HPSE2: variants seen among roughly 807,000 people sequenced by gnomAD.
HPSE2 encodes the protein heparanase 2 (inactive).
In HPSE2, 38 loss-of-function variants were observed where a neutral mutation model predicts 60.5. The observed-to-expected ratio is 0.63, with a 90% CI of 0.48 to 0.82. HPSE2 has a LOEUF of 0.82. Ranked by LOEUF, HPSE2 falls within the 40% of genes least tolerant of loss-of-function variation. HPSE2 has a pLI of 0.00. For synonymous variants in HPSE2, 295 were observed against 293.2 expected (o/e 1.01, Z -0.06); for missense variants, 713 against 740.4 (o/e 0.96, Z 0.43).
intron 6 of HPSE2, among the ~76,000 whole-genome samples, chr10:98,657,811 A>G (rs1947115083): frequency 6.6e-6 from 1 of 152,200 alleles, no homozygotes; most frequent in African/African-American, 2.4e-5. Flanking sequence ...TCCCTTTCTG[A>G]TAATTCTTAG....
rs375468447 is a variant in HPSE2 at position 98,649,435 on chromosome 10, T to C, written c.1005-7495A>G. On this transcript the variant is annotated intron_variant, in intron 6 of 11. Coordinates refer to ENST00000370552, the MANE Select transcript of HPSE2 (RefSeq NM_021828.5). ...AGTAGGAAACCAGAGATCATATAGG[T>C]ACTAAGTAACAGACACCAAAACCTT... is the stretch of plus-strand genomic sequence containing the variant. Among the ~76,000 whole-genome samples the C allele has an allele frequency of 5.3e-5, 8 of 152,270 alleles. No homozygotes were observed. In the East Asian group the frequency reaches 1.5e-3, roughly 29 times the overall value.
chr10:98,831,634 G>T (rs548999800), intron 3 of HPSE2, among the ~76,000 whole-genome samples: 316 of 152,286 alleles, frequency 2.1e-3, no homozygotes, highest in Non-Finnish European at 3.7e-3. Context: ...TTGCTCAAGG[G>T]CAGTGGTTCT....
At chr10:98,913,520 T>C (rs370868944) in intron 3 of HPSE2, among the ~76,000 whole-genome samples, 1 of 152,174 alleles carries the variant, frequency 6.6e-6, no homozygotes, top group Non-Finnish European at 1.5e-5. Flanking sequence ...GGCCCAATAA[T>C]AGTTGAAAAA....
At chr10:98,984,185 G>C (rs1217126971) in intron 3 of HPSE2, among the ~76,000 whole-genome samples, 1 of 152,220 alleles carries the variant, frequency 6.6e-6, no homozygotes, top group Admixed American at 6.5e-5. Context: ...AGAACGGGCA[G>C]ACTGCCTCCT....
intron 9 of HPSE2, among the ~76,000 whole-genome samples, chr10:98,544,934 A>T (rs1943614270): frequency 1.3e-5 from 2 of 152,096 alleles, no homozygotes; most frequent in Non-Finnish European, 2.9e-5. Context: ...AAAAGGGAGA[A>T]GAATCAAATA....
At chr10:99,066,041 C>T (rs1428985738) in intron 3 of HPSE2, among the ~76,000 whole-genome samples, 1 of 87,584 alleles carries the variant, frequency 1.1e-5, no homozygotes, top group East Asian at 4.6e-4. Context: ...AAATTGTTTT[C>T]TAAAACTTTC....
At chr10:98,674,782 T>G (rs1005904112) in intron 6 of HPSE2, among the ~76,000 whole-genome samples, 2 of 151,956 alleles carry the variant, frequency 1.3e-5, no homozygotes, top group African/African-American at 4.8e-5. Context: ...AATAGCCAGG[T>G]GTGGTGGTGT....
intron 3 of HPSE2, among the ~76,000 whole-genome samples, chr10:98,830,328 GGAA>G (rs1206276834): frequency 6.6e-6 from 1 of 152,066 alleles, no homozygotes; most frequent in African/African-American, 2.4e-5. Flanking sequence ...AGGGAGAGGA[GGAA>G]GAAGAGGAAA....
At chr10:99,072,439 TAAAC>T in intron 3 of HPSE2, among the ~76,000 whole-genome samples, 1 of 151,892 alleles carries the variant, frequency 6.6e-6, no homozygotes, top group African/African-American at 2.4e-5. Flanking sequence ...ACAAGAAACT[TAAAC>T]AAATTTACAT....
At chr10:99,011,699 T>C (rs1957019397) in intron 3 of HPSE2, among the ~76,000 whole-genome samples, 1 of 134,098 alleles carries the variant, frequency 7.5e-6, no homozygotes, top group East Asian at 2.2e-4. Context: ...GGGGTTGCAG[T>C]GAGCTGACAT....
At chr10:99,256,530 A>G in the HPSE2 span, among the ~76,000 whole-genome samples, 1 of 150,540 alleles carries the variant, frequency 6.6e-6, no homozygotes, top group African/African-American at 2.4e-5. Context: ...AAAATGGACT[A>G]TGACACTAAG....
chr10:99,284,363 T>C, the HPSE2 span, among the ~76,000 whole-genome samples: 130,199 of 152,136 alleles, frequency 0.86, 56,080 homozygotes, highest in African/African-American at 0.92. Context: ...GAACTAGGAA[T>C]AGAAGAAAAA....
intron 9 of HPSE2, among the ~76,000 whole-genome samples, chr10:98,602,570 CTT>C (rs923086389): frequency 3.9e-5 from 6 of 152,030 alleles, no homozygotes; most frequent in Admixed American, 3.3e-4. Flanking sequence ...GCCATAATCT[CTT>C]GATTACTGTA....
the HPSE2 span, among the ~76,000 whole-genome samples, chr10:99,281,137 T>C: frequency 3.6e-4 from 14 of 38,984 alleles, no homozygotes; most frequent in South Asian, 6.1e-3. Flanking sequence ...TGCTGTACAT[T>C]GTGTATGTTA....
intron 2 of HPSE2, among the ~76,000 whole-genome samples, chr10:99,164,281 A>G (rs111372269): frequency 5.7e-5 from 5 of 88,298 alleles, no homozygotes; most frequent in Admixed American, 5.4e-4. Flanking sequence ...ATATATATAT[A>G]TGAACTTATG....
chr10:98,999,929 T>C (rs1446188570), intron 3 of HPSE2, among the ~76,000 whole-genome samples: 1 of 152,128 alleles, frequency 6.6e-6, no homozygotes, highest in African/African-American at 2.4e-5. Context: ...AAAAGTGAAT[T>C]TGCAGTATGA....
chr10:98,481,297 T>C (rs1941224831), intron 11 of HPSE2, among the ~76,000 whole-genome samples: 2 of 152,130 alleles, frequency 1.3e-5, no homozygotes, highest in African/African-American at 4.8e-5. Context: ...CCTTACCACA[T>C]GTACAACAAC....
chr10:98,990,070 A>T lies in HPSE2; in HGVS notation c.610+154168T>A, dbSNP rs991814065. 3.9e-5 allele frequency among the ~76,000 whole-genome samples: 6 copies of T among 152,302 alleles called. No individual in the cohort carries two copies. In the East Asian group the frequency reaches 1.2e-3, roughly 29 times the overall value. ...AAAGTAATGGGCAGGCCATGTGGAG[A>T]TTAAAACAAGTGTCAGATTCTGACT... is the stretch of plus-strand genomic sequence containing the variant. On this transcript the variant is annotated intron_variant, in intron 3 of 11. Coordinates refer to ENST00000370552, the MANE Select transcript of HPSE2 (RefSeq NM_021828.5).
chr10:99,294,830 C>T, the HPSE2 span, among the ~76,000 whole-genome samples: 16 of 152,190 alleles, frequency 1.1e-4, 1 homozygote, highest in South Asian at 3.3e-3. Context: ...TACCACCACG[C>T]CTGTAATCCC....
Sources: allele counts gnomAD v4.1 joint callset (sites outside exome capture counted in the v4.1 genomes callset), GRCh38; gene constraint gnomAD v4.1.1; transcripts MANE v1.5; gene names NCBI Gene and HGNC (gene_info 2026-07-23, HGNC 2026-07-21).